The following SALL1 variants were observed in gnomAD, a reference collection of about 807,000 sequenced individuals.
SALL1 encodes sal-like protein 1.
A neutral mutation model predicts 73.1 loss-of-function variants in SALL1; 10 were observed. The observed-to-expected ratio is 0.14, with a 90% CI of 0.08 to 0.23. The LOEUF (loss-of-function observed/expected upper bound fraction) is 0.23, where lower values mean the gene tolerates loss of function less well. Among genes scored for constraint, SALL1 ranks in the 10% least tolerant of loss-of-function variants. The pLI is 1.00. For missense variants in SALL1, 1,520 were observed against 1,697.3 expected, an observed-to-expected ratio of 0.90 and a Z score of 1.84; for synonymous variants, 688 against 689.8, an observed-to-expected ratio of 1.00 and a Z score of 0.04.
rs1401887144 is a variant in SALL1, at chr16:51,141,290, C to T, written c.932G>A (p.Ser311Asn). 1.2e-6 allele frequency: 2 copies of T among 1,614,062 alleles called. No individual in the cohort carries two copies. Among genetic ancestry groups the T allele is most frequent in the Non-Finnish European group, 1.7e-6 (2 of 1,180,040 alleles). Reference protein sequence around the residue: ...QSLASQSASISGVKQLPPIQL... With the variant: ...QSLASQSASINGVKQLPPIQL... The stretch of plus-strand genomic sequence containing the variant: ...GATTGGGGGTAGCTGTTTCACACCA[C>T]TAATGCTGGCAGATTGGCTGGCGAG... The change falls in exon 2 of 3, where the codon AGT becomes AAT. Residue 311 changes from serine to asparagine, a missense_variant. Transcript: ENST00000251020. The surrounding 1 kb of genome is among the most constrained non-coding windows in gnomAD (Gnocchi z 5.4).
chr16:51,137,596 G>A lies in SALL1; in HGVS notation c.3535-44C>T, dbSNP rs371719384. ...AGGCAGAGAGACAGAGAGAGAGAGA[G>A]AAAAAAAAGAGGAGGGGGAGAGAAG... On this transcript the variant is annotated intron_variant, in intron 2 of 2. Transcript: ENST00000251020. The A allele has an allele frequency of 3.0e-3, 4,006 of 1,330,414 alleles. 1 individual carries two copies. The highest frequency in any genetic ancestry group is 7.2e-3 in the African/African-American group (492 of 68,398). 82.4% of individuals were successfully genotyped at this position (1,330,414 alleles called of 1,614,324 possible). A position where few individuals can be genotyped will look rare whatever the true frequency, so the allele number is the denominator to read the frequency against.
In SALL1 at chr16:51,139,281, T is replaced by C. The variant is rs772457413; in HGVS notation, c.2941A>G (p.Ile981Val). ...DLTSSHAEKI[I>V]KEDSLGILFP... ...AGGATCCCCAAAGAATCTTCTTTGATGATTTTCTCTGCGTGACTAGATGTC... is the reference window on the plus strand; with the variant it reads ...AGGATCCCCAAAGAATCTTCTTTGACGATTTTCTCTGCGTGACTAGATGTC... Residue 981 changes from isoleucine to valine, a missense_variant, in exon 2 of 3, where the codon ATC becomes GTC. By Grantham distance (29) the Ile-to-Val change is conservative (BLOSUM62 3). This residue lies in a region of SALL1 where 266 missense variants were observed against 275.1 expected (regional missense o/e 0.97). Transcript: ENST00000251020. The C allele has an allele frequency of 2.4e-5, 39 of 1,614,042 alleles. No individual in the cohort carries two copies. Among genetic ancestry groups the C allele is most frequent in the Non-Finnish European group, 3.2e-5 (38 of 1,180,036 alleles).
chr16:51,138,612 G>C (rs77466256), intron 2 of SALL1, 76 bp downstream of exon 2: 15 of 1,532,532 alleles, frequency 9.8e-6, no homozygotes, highest in Non-Finnish European at 9.7e-6. Context: ...ATGACTCTGG[G>C]GGCATGCATT....
intron 1 of SALL1, among the ~76,000 whole-genome samples, chr16:51,144,312 A>G (rs1962485685): frequency 6.6e-6 from 1 of 152,188 alleles, no homozygotes; most frequent in African/African-American, 2.4e-5. Flanking sequence ...AACAAAAGCT[A>G]TTCTGTTTGT....
intron 1 of SALL1, among the ~76,000 whole-genome samples, chr16:51,146,956 G>A (rs1186051134): frequency 6.6e-6 from 1 of 152,182 alleles, no homozygotes; most frequent in Non-Finnish European, 1.5e-5. Context: ...ACCTAGTTGA[G>A]GTTGTAGAAG....
Position 51,139,724 on chromosome 16 carries a change from G to A in SALL1, c.2498C>T (p.Pro833Leu). The A allele has an allele frequency of 6.2e-7, 1 of 1,614,210 alleles. No individual in the cohort carries two copies. Among genetic ancestry groups the A allele is most frequent in the Non-Finnish European group, 8.5e-7 (1 of 1,180,030 alleles). The part of the protein sequence containing the change: ...NFSDENMEDC[P>L]EGSIPDTPKS... ...AGGTGTATCAGGGATGCTGCCCTCAGGACAGTCTTCCATGTTTTCATCAGA... is the reference window on the plus strand; with the variant it reads ...AGGTGTATCAGGGATGCTGCCCTCAAGACAGTCTTCCATGTTTTCATCAGA... Residue 833 changes from proline (P) to leucine (L), a missense_variant, in exon 2 of 3, where the codon CCT (proline) becomes CTT (leucine). Around this residue, in one of 7 missense-constraint regions of SALL1, gnomAD observed 266 missense variants for 275.1 expected, o/e 0.97. Coordinates refer to ENST00000251020, the MANE Select transcript of SALL1 (RefSeq NM_002968.3).
upstream of SALL1, chr16:51,151,386 C>G: frequency 3.6e-6 from 1 of 279,842 alleles, no homozygotes; most frequent in Non-Finnish European, 6.1e-6. Context: ...CGGCCCCGGG[C>G]GCAGCGCGCA....
In SALL1 at chr16:51,139,952, C is replaced by T. The variant is rs755216623; in HGVS notation, c.2270G>A (p.Arg757His). ...CTGGACTCTGAGCGGGGGCATAGCACGATGGACACTGTAGTGGGTTTTAAG... is the reference window on the plus strand; with the variant it reads ...CTGGACTCTGAGCGGGGGCATAGCATGATGGACACTGTAGTGGGTTTTAAG... ...GNLKTHYSVH[R>H]AMPPLRVQHS... Residue 757 changes from arginine (R) to histidine (H), a missense_variant, in exon 2 of 3, where the codon CGT (arginine) becomes CAT (histidine). By Grantham distance (29) the Arg-to-His change is conservative. Transcript: ENST00000251020. The T allele has an allele frequency of 6.2e-6, 10 of 1,614,130 alleles. No homozygotes were observed. Among genetic ancestry groups the T allele is most frequent in the Non-Finnish European group, 7.6e-6 (9 of 1,180,022 alleles).
intron 1 of SALL1, 116 bp downstream of exon 1, chr16:51,151,050 G>C (rs1597236968): frequency 1.7e-6 from 1 of 573,804 alleles, no homozygotes; most frequent in Non-Finnish European, 2.8e-6. Flanking sequence ...GAAGCAATCG[G>C]GGCCGCGGCG....
At chr16:51,151,628 G>A (rs573522764), upstream of SALL1, among the ~76,000 whole-genome samples, 254 of 151,428 alleles carry the variant, frequency 1.7e-3, no homozygotes, top group African/African-American at 6.0e-3. Flanking sequence ...CTTTGCGACC[G>A]CCCGGGACTC....
At position 51,138,777 on chromosome 16, in the gene SALL1, G is replaced by A; in HGVS notation, c.3445C>T (p.Leu1149=). The A allele has an allele frequency of 1.2e-6, 2 of 1,614,186 alleles. No individual in the cohort carries two copies. The highest frequency in any genetic ancestry group is 2.2e-5 in the East Asian group (1 of 44,880). ...CGKTFSSSSA[L]QIHERTHTGE... is the part of the protein sequence containing the mutation. Reference sequence around the variant, plus strand: ...GTGTGAGTTCTCTCGTGAATCTGCAGGGCACTCGATGAGGAGAAGGTTTTG... The same window carrying A: ...GTGTGAGTTCTCTCGTGAATCTGCAAGGCACTCGATGAGGAGAAGGTTTTG... The change falls in exon 2 of 3, where the codon CTG becomes TTG. Residue 1149 remains leucine (L), a synonymous_variant. Coordinates refer to ENST00000251020, the MANE Select transcript of SALL1 (RefSeq NM_002968.3).
At chr16:51,151,306 G>C (rs1331680385), upstream of SALL1, 10 of 1,278,232 alleles carry the variant, frequency 7.8e-6, no homozygotes, top group Non-Finnish European at 1.0e-5. Context: ...TCAAAATTAC[G>C]GAAATCGAGC....
chr16:51,146,669 G>C (rs545560991), intron 1 of SALL1, among the ~76,000 whole-genome samples: 3 of 152,272 alleles, frequency 2.0e-5, no homozygotes, highest in Non-Finnish European at 2.9e-5. Flanking sequence ...GTGACTAGCA[G>C]GATTCAATTT....
At position 51,138,663 on chromosome 16, in the gene SALL1, G is replaced by A. The variant is rs144390055; in HGVS notation, c.3534+25C>T. 1,560 of 1,599,118 alleles carry A rather than the reference G, an allele frequency of 9.8e-4. 5 individuals are homozygous for A. The highest frequency in any genetic ancestry group is 7.4e-3 in the Middle Eastern group (44 of 5,974). ...CAGTGGGACAGGGTTGATGGAGCAG[G>A]TATGGTGCAGAGAGAGCAAGGTACC... On this transcript the variant is annotated intron_variant, in intron 2 of 2. Coordinates refer to ENST00000251020, the MANE Select transcript of SALL1 (RefSeq NM_002968.3).
chr16:51,137,109 G>A lies in SALL1; in HGVS notation c.*3C>T. 1.2e-6 allele frequency: 2 copies of A among 1,614,084 alleles called. No individual in the cohort carries two copies. The highest frequency in any genetic ancestry group is 1.7e-6 in the Non-Finnish European group (2 of 1,179,988). ...GAATGCTATGTCTCCAGCCCGAGCTGCTTTAACTCGTGACGATCTCCTTGC... is the reference window on the plus strand; with the variant it reads ...GAATGCTATGTCTCCAGCCCGAGCTACTTTAACTCGTGACGATCTCCTTGC... On this transcript the variant is annotated 3_prime_UTR_variant, in exon 3 of 3. Transcript: ENST00000251020.
intron 1 of SALL1, among the ~76,000 whole-genome samples, chr16:51,143,658 G>C (rs1962476305): frequency 6.6e-6 from 1 of 152,142 alleles, no homozygotes; most frequent in Non-Finnish European, 1.5e-5. Flanking sequence ...TTAAAAACTT[G>C]ACTAGTTTTG....
upstream of SALL1, chr16:51,151,329 G>C: frequency 9.6e-7 from 1 of 1,045,890 alleles, no homozygotes; most frequent in South Asian, 2.4e-5. Context: ...CGGCGGCGGC[G>C]GCGGCTCCCC....
At chr16:51,148,514 A>T (rs188441002) in intron 1 of SALL1, among the ~76,000 whole-genome samples, 31 of 151,746 alleles carry the variant, frequency 2.0e-4, no homozygotes, top group African/African-American at 7.1e-4. Flanking sequence ...AAAATATAAC[A>T]ATGTTTCTTT....
chr16:51,138,199 T>C (rs1962346474), intron 2 of SALL1, among the ~76,000 whole-genome samples: 1 of 152,210 alleles, frequency 6.6e-6, no homozygotes, highest in Non-Finnish European at 1.5e-5. Context: ...ATTATCATAA[T>C]ACCCATTAGC....
Sources: gnomAD v4.1 joint callset for allele counts (sites outside exome capture counted in the v4.1 genomes callset) on GRCh38, gnomAD v4.1.1 for gene constraint, gnomAD v4.1.1 regional missense constraint, Gnocchi (gnomAD v3.1) non-coding constraint, MANE v1.5 for transcripts, NCBI Gene and HGNC (gene_info 2026-07-23, HGNC 2026-07-21) for gene names.